Variants in VGLL4 observed in about 807,000 individuals in gnomAD.
VGLL4 encodes vestigial like family member 4, also known as transcription cofactor vestigial-like protein 4.
In VGLL4, 7 loss-of-function variants were observed where a neutral mutation model predicts 21.0. That is an observed-to-expected ratio of 0.33 (90% confidence interval 0.19 to 0.63). The LOEUF (loss-of-function observed/expected upper bound fraction) is 0.63. Ranked by LOEUF, VGLL4 falls within the 20% of genes least tolerant of loss-of-function variation. The probability of loss-of-function intolerance (pLI) is 0.78; values close to 1 mark genes in which losing one functional copy is unlikely to be tolerated. For missense variants in VGLL4, 394 were observed against 425.7 expected (o/e 0.93, Z 0.66); for synonymous variants, 222 against 173.2 (o/e 1.28, Z -2.21).
chr3:11,683,079 C>A lies in VGLL4; in HGVS notation c.64+19892G>T, dbSNP rs549213046. On this transcript the variant is annotated intron_variant, in intron 2 of 5. Coordinates refer to the VGLL4 transcript ENST00000273038. ...CTGTCTCTACTAAAAATACAAAAAC[C>A]AGCCGAGCGTGGTGGTGGGCACCTG... Among the ~76,000 whole-genome samples, 140 of 151,774 alleles carry A rather than the reference C, an allele frequency of 9.2e-4. 2 individuals are homozygous for A. Among genetic ancestry groups the A allele is most frequent in the East Asian group, 5.3e-3 (27 of 5,134 alleles).
At chr3:11,700,270 G>A (rs1199220316) in intron 2 of VGLL4, among the ~76,000 whole-genome samples, 4 of 152,100 alleles carry the variant, frequency 2.6e-5, no homozygotes, top group Admixed American at 1.3e-4. Flanking sequence ...AGACACAAAA[G>A]GTTACCCTGA....
At chr3:11,622,821 A>T (rs1292242934) in intron 1 of VGLL4, among the ~76,000 whole-genome samples, 1 of 152,200 alleles carries the variant, frequency 6.6e-6, no homozygotes, top group Non-Finnish European at 1.5e-5. Context: ...TGATGGCACG[A>T]GCTCTGTCAA....
chr3:11,656,568 T>G (rs893201777), intron 2 of VGLL4, among the ~76,000 whole-genome samples: 1 of 152,142 alleles, frequency 6.6e-6, no homozygotes, highest in East Asian at 1.9e-4. Context: ...AGAGCTGAGA[T>G]GTCCACTGGG....
At chr3:11,666,264 A>AG (rs1491018576) in intron 2 of VGLL4, among the ~76,000 whole-genome samples, 3 of 151,536 alleles carry the variant, frequency 2.0e-5, no homozygotes, top group Non-Finnish European at 1.5e-5. Context: ...AAAAAAAAAA[A>AG]AGAAAGTTCA....
chr3:11,567,531 G>T (rs1363048991), intron 2 of VGLL4, among the ~76,000 whole-genome samples: 1 of 152,144 alleles, frequency 6.6e-6, no homozygotes. Context: ...ACACATCCTG[G>T]CGATTTTCAA....
chr3:11,578,907 G>A (rs572952916), intron 2 of VGLL4, among the ~76,000 whole-genome samples: 18 of 151,820 alleles, frequency 1.2e-4, no homozygotes, highest in Non-Finnish European at 2.2e-4. Flanking sequence ...CCGCCACCAC[G>A]CCCGGCTAAT....
chr3:11,573,091 G>A (rs62248283), intron 2 of VGLL4, among the ~76,000 whole-genome samples: 31,791 of 151,218 alleles, frequency 0.21, 3,797 homozygotes, highest in South Asian at 0.3. Context: ...GGCTGAACCC[G>A]GGAGGCGGAG....
At chr3:11,652,612 G>C (rs9837848) in intron 2 of VGLL4, among the ~76,000 whole-genome samples, 20,957 of 152,020 alleles carry the variant, frequency 0.14, 1,654 homozygotes, top group African/African-American at 0.2. Flanking sequence ...TTAGAGATGG[G>C]GTTTCACCAT....
chr3:11,640,669 C>A (rs1012513992), intron 1 of VGLL4, among the ~76,000 whole-genome samples: 4 of 152,130 alleles, frequency 2.6e-5, no homozygotes, highest in Non-Finnish European at 5.9e-5. Context: ...TTCTTGCAGA[C>A]AACTATGGTG....
chr3:11,653,493 C>T lies in VGLL4; in HGVS notation c.64+49478G>A, dbSNP rs1246481833. Reference sequence around the variant, plus strand: ...CATTCATTTGCATTGCTGTCTAGTACTCCATTACTCCAATATATCGCAGAT... The same window carrying T: ...CATTCATTTGCATTGCTGTCTAGTATTCCATTACTCCAATATATCGCAGAT... On this transcript the variant is annotated intron_variant, in intron 2 of 5. Transcript: ENST00000273038. This position sits in a 1 kb window ranked among gnomAD's most constrained non-coding sequence, Gnocchi z 4.2. 6.6e-6 allele frequency among the ~76,000 whole-genome samples: 1 copy of T among 152,102 alleles called. No individual in the cohort carries two copies. The highest frequency in any genetic ancestry group is 1.5e-5 in the Non-Finnish European group (1 of 68,028).
intron 1 of VGLL4, among the ~76,000 whole-genome samples, chr3:11,706,545 C>T (rs2076763481): frequency 6.6e-6 from 1 of 152,182 alleles, no homozygotes; most frequent in Admixed American, 6.5e-5. Flanking sequence ...AGATCAATGT[C>T]AGCTAACGTG....
chr3:11,712,568 A>G (rs1166326535), intron 1 of VGLL4, among the ~76,000 whole-genome samples: 1 of 152,206 alleles, frequency 6.6e-6, no homozygotes, highest in African/African-American at 2.4e-5. Context: ...TCTTCTACAG[A>G]TTAAAAAAAA....
chr3:11,667,165 G>T (rs5003432), intron 2 of VGLL4, among the ~76,000 whole-genome samples: 152,362 of 152,364 alleles, frequency 1, 76,180 homozygotes, highest in Non-Finnish European at 1. Context: ...TAGTAGTGCA[G>T]ATGCCTGCCG....
chr3:11,616,981 T>C (rs2075173115), intron 1 of VGLL4, among the ~76,000 whole-genome samples: 1 of 152,232 alleles, frequency 6.6e-6, no homozygotes, highest in Non-Finnish European at 1.5e-5. Context: ...CTTCTGGTTA[T>C]GTAGGTTAAT....
At position 11,556,975 on chromosome 3, in the gene VGLL4, C is replaced by G. The variant is rs2072482913; in HGVS notation, c.*1581G>C. ...GACCTTTTCACCCAGTGCCAATTTC[C>G]AAAATTCAACAGCTAAAAACTGTAA... On this transcript the variant is annotated 3_prime_UTR_variant, in exon 5 of 5. Coordinates refer to ENST00000430365, the MANE Select transcript of VGLL4 (RefSeq NM_001128219.3). The G allele has an allele frequency of 6.6e-6, 1 of 152,596 alleles. No homozygotes were observed. The highest frequency in any genetic ancestry group is 2.1e-4 in the South Asian group (1 of 4,834). The allele number at this position is 152,596 out of a possible 1,614,324, so 9.5% of individuals were successfully genotyped here.
intron 2 of VGLL4, among the ~76,000 whole-genome samples, chr3:11,661,110 T>C (rs1284039304): frequency 6.6e-6 from 1 of 152,138 alleles, no homozygotes; most frequent in Non-Finnish European, 1.5e-5. Context: ...ATTCCTTCTG[T>C]CCTAGAGAGA....
intron 1 of VGLL4, chr3:11,612,447 G>GATC (rs1454040227): frequency 6.6e-6 from 1 of 152,188 alleles, no homozygotes; most frequent in Non-Finnish European, 1.5e-5. Context: ...ACAGCCTGAA[G>GATC]ATCATCAGAT....
At chr3:11,680,854 G>A (rs989284971) in intron 2 of VGLL4, among the ~76,000 whole-genome samples, 4 of 152,214 alleles carry the variant, frequency 2.6e-5, no homozygotes, top group Non-Finnish European at 2.9e-5. Context: ...TCAGCACTTA[G>A]TATGGCACCT....
rs552518103 is a variant in VGLL4, at chr3:11,666,797, T to C, written c.64+36174A>G. On this transcript the variant is annotated intron_variant, in intron 2 of 5. Coordinates refer to the VGLL4 transcript ENST00000273038. Reference sequence around the variant, plus strand: ...ACAGGCTTCTAAGGCTCCTTAAAACTCCAACCTTACAAAGAAATTCACTGT... The same window carrying C: ...ACAGGCTTCTAAGGCTCCTTAAAACCCCAACCTTACAAAGAAATTCACTGT... 6.6e-5 allele frequency among the ~76,000 whole-genome samples: 10 copies of C among 152,264 alleles called. No homozygotes were observed. The South Asian group carries it at 1.9e-3, about 28-fold the overall frequency.
Sources: gnomAD v4.1 joint callset for allele counts (sites outside exome capture counted in the v4.1 genomes callset) on GRCh38, gnomAD v4.1.1 for gene constraint, Gnocchi (gnomAD v3.1) non-coding constraint, MANE v1.5 for transcripts, NCBI Gene and HGNC (gene_info 2026-07-23, HGNC 2026-07-21) for gene names.